The following TENM3 variants were observed in gnomAD, a reference collection of about 807,000 sequenced individuals.
TENM3 encodes teneurin-3.
TENM3 carries 63 observed loss-of-function variants against 255.1 expected under a neutral mutation model. That is an observed-to-expected ratio of 0.25 (90% CI 0.20 to 0.30). The LOEUF is 0.30. TENM3 is among the 10% of genes least tolerant of loss of function. The pLI is 1.00. For synonymous variants in TENM3, 1,306 were observed against 1,322.3 expected (o/e 0.99, Z 0.27); for missense variants, 2,929 against 3,461.1 (o/e 0.85, Z 3.86).
At chr4:181,755,645 A>T in the TENM3 span, among the ~76,000 whole-genome samples, 1 of 152,188 alleles carries the variant, frequency 6.6e-6, no homozygotes, top group African/African-American at 2.4e-5. Flanking sequence ...TAACTCAAAC[A>T]TGTACTCCAG....
intron 1 of TENM3, among the ~76,000 whole-genome samples, chr4:182,194,449 A>G (rs1252024689): frequency 1.3e-5 from 2 of 152,182 alleles, no homozygotes; most frequent in Non-Finnish European, 2.9e-5. Flanking sequence ...TGAGAAAGAG[A>G]AAAACATCTT....
chr4:181,612,490 ATGTG>A, the TENM3 span, among the ~76,000 whole-genome samples: 18,420 of 148,062 alleles, frequency 0.12, 1,130 homozygotes, highest in African/African-American at 0.14. Context: ...TTTGGTTAAG[ATGTG>A]TGTGTGTGTG....
intron 1 of TENM3, among the ~76,000 whole-genome samples, chr4:182,290,539 G>A (rs571700677): frequency 1.3e-5 from 2 of 151,832 alleles, no homozygotes; most frequent in Non-Finnish European, 1.5e-5. Flanking sequence ...GTCTTGCTTT[G>A]TCGCCCAGGC....
the TENM3 span, among the ~76,000 whole-genome samples, chr4:182,116,209 A>G: frequency 6.6e-6 from 1 of 151,424 alleles, no homozygotes; most frequent in African/African-American, 2.4e-5. Context: ...TCCTCCCCCA[A>G]AACTGTGGCA....
At chr4:182,064,976 A>T in the TENM3 span, among the ~76,000 whole-genome samples, 1 of 152,012 alleles carries the variant, frequency 6.6e-6, no homozygotes, top group Admixed American at 6.6e-5. Flanking sequence ...GTTGCAAATG[A>T]TTGTATTAGT....
At chr4:182,450,188 C>A (rs1160609884) in intron 3 of TENM3, among the ~76,000 whole-genome samples, 1 of 152,192 alleles carries the variant, frequency 6.6e-6, no homozygotes, top group Non-Finnish European at 1.5e-5. Context: ...CCAAGGTTTT[C>A]ATTTTTAAAA....
At chr4:182,283,816 G>C (rs1312011377) in intron 1 of TENM3, among the ~76,000 whole-genome samples, 4 of 152,160 alleles carry the variant, frequency 2.6e-5, no homozygotes, top group Non-Finnish European at 5.9e-5. Flanking sequence ...ATGGGTATGT[G>C]GGTGTTTGTT....
intron 1 of TENM3, among the ~76,000 whole-genome samples, chr4:182,314,190 A>G (rs1762612949): frequency 6.6e-6 from 1 of 151,944 alleles, no homozygotes; most frequent in African/African-American, 2.4e-5. Flanking sequence ...AGTCCCAGCT[A>G]CTCGGGAGGC....
the TENM3 span, among the ~76,000 whole-genome samples, chr4:181,548,619 T>C: frequency 6.6e-6 from 1 of 152,164 alleles, no homozygotes; most frequent in Admixed American, 6.5e-5. Context: ...TTTTTGATGA[T>C]GTGCCTCTCC....
chr4:181,925,700 C>T, the TENM3 span, among the ~76,000 whole-genome samples: 1 of 152,164 alleles, frequency 6.6e-6, no homozygotes, highest in Admixed American at 6.5e-5. Flanking sequence ...TCAAATTAAT[C>T]TTGGTAGAAC....
the TENM3 span, among the ~76,000 whole-genome samples, chr4:181,588,243 C>T: frequency 4.3e-4 from 66 of 152,256 alleles, no homozygotes; most frequent in Middle Eastern, 6.8e-3. Context: ...CTTCTCCGCA[C>T]ATCAAACATC....
At chr4:182,354,301 C>T (rs1345554240) in intron 3 of TENM3, among the ~76,000 whole-genome samples, 24 of 152,162 alleles carry the variant, frequency 1.6e-4, no homozygotes, top group Admixed American at 1.6e-3. Flanking sequence ...TGTACCAAAA[C>T]TGATGATGTA....
intron 3 of TENM3, among the ~76,000 whole-genome samples, chr4:182,485,730 A>G (rs1162212953): frequency 6.6e-6 from 1 of 152,170 alleles, no homozygotes; most frequent in East Asian, 1.9e-4. Context: ...TATTTTATTG[A>G]GCAAATGCTG....
intron 3 of TENM3, among the ~76,000 whole-genome samples, chr4:182,356,931 T>C (rs1189969156): frequency 5.6e-5 from 8 of 142,854 alleles, no homozygotes; most frequent in African/African-American, 7.8e-5. Context: ...TGTGTTCTCA[T>C]TGTTCAATTC....
intron 3 of TENM3, among the ~76,000 whole-genome samples, chr4:182,405,647 G>A (rs772600877): frequency 6.6e-5 from 10 of 152,238 alleles, no homozygotes; most frequent in Non-Finnish European, 1.2e-4. Flanking sequence ...GTGAGTAGAA[G>A]ACTTGGTCCC....
chr4:182,501,503 T>C (rs1436447415), intron 3 of TENM3, among the ~76,000 whole-genome samples: 1 of 152,128 alleles, frequency 6.6e-6, no homozygotes. Flanking sequence ...CATAAATTTT[T>C]AAAAATTAAA....
chr4:181,672,904 A>G, the TENM3 span, among the ~76,000 whole-genome samples: 6 of 152,188 alleles, frequency 3.9e-5, no homozygotes, highest in Non-Finnish European at 8.8e-5. Flanking sequence ...CTGGCACCCT[A>G]GCTGAGGACT....
chr4:182,280,012 AGATAATG>A (rs1254291595), intron 1 of TENM3, among the ~76,000 whole-genome samples: 1 of 152,212 alleles, frequency 6.6e-6, no homozygotes, highest in Admixed American at 6.5e-5. Context: ...CTCCATGGCC[AGATAATG>A]GAGCCATGGG....
intron 3 of TENM3, among the ~76,000 whole-genome samples, chr4:182,460,361 G>A (rs2151385277): frequency 6.6e-6 from 1 of 152,074 alleles, no homozygotes; most frequent in East Asian, 1.9e-4. Context: ...ACATGACAAT[G>A]TCCCAGAGCC....
Sources: gnomAD v4.1 joint callset for allele counts (sites outside exome capture counted in the v4.1 genomes callset) on GRCh38, gnomAD v4.1.1 for gene constraint, MANE v1.5 for transcripts, NCBI Gene and HGNC (gene_info 2026-07-23, HGNC 2026-07-21) for gene names.